DTX3: variants seen among roughly 807,000 people sequenced by gnomAD.
DTX3 encodes the protein E3 ubiquitin-protein ligase DTX3.
A neutral mutation model predicts 27.4 loss-of-function variants in DTX3; 10 were observed. The ratio of observed to expected loss-of-function variants is 0.36; its 90% CI spans 0.22 to 0.62. The LOEUF (loss-of-function observed/expected upper bound fraction) is 0.62, where lower values mean the gene tolerates loss of function less well. DTX3 is among the 20% of genes least tolerant of loss of function. DTX3 has a pLI of 0.68. For missense variants in DTX3, 319 were observed against 463.8 expected (o/e 0.69, Z 2.87); for synonymous variants, 171 against 190.7 (o/e 0.90, Z 0.85).
In DTX3 at chr12:57,607,943, T is replaced by C. The variant is rs1179832115; in HGVS notation, c.750+330T>C. Among the ~76,000 whole-genome samples, 1 of 152,136 alleles carries C rather than the reference T, an allele frequency of 6.6e-6. No individual in the cohort carries two copies. The highest frequency in any genetic ancestry group is 2.4e-5 in the African/African-American group (1 of 41,424). ...AGGTAAATTCTGTGGAGGTGGTGGC[T>C]TAGGGGAAGGGAGGCACAATAGGAA... On this transcript the variant is annotated intron_variant, in intron 5 of 6. Coordinates refer to ENST00000337737, the MANE Select transcript of DTX3 (RefSeq NM_178502.4). This position sits in a 1 kb window ranked among gnomAD's most constrained non-coding sequence, Gnocchi z 7.7.
chr12:57,606,572 T>C (rs1400300875), intron 4 of DTX3, 54 bp downstream of exon 4: 35 of 1,605,026 alleles, frequency 2.2e-5, no homozygotes, highest in African/African-American at 4.0e-5. Flanking sequence ...AGCCCATTTT[T>C]CCCCAAGAGG....
In DTX3 at chr12:57,608,432, A is replaced by C; in HGVS notation, c.751-88A>C. The C allele has an allele frequency of 1.6e-6, 2 of 1,239,126 alleles. No individual in the cohort carries two copies. Among genetic ancestry groups the C allele is most frequent in the Non-Finnish European group, 2.3e-6 (2 of 877,114 alleles). 76.8% of individuals were successfully genotyped at this position (1,239,126 alleles called of 1,614,324 possible). A position where few individuals can be genotyped will look rare whatever the true frequency, so the allele number is the denominator to read the frequency against. On this transcript the variant is annotated intron_variant, in intron 5 of 6. Coordinates refer to ENST00000337737, the MANE Select transcript of DTX3 (RefSeq NM_178502.4). This position sits in a 1 kb window ranked among gnomAD's most constrained non-coding sequence, Gnocchi z 6.1. ...TCGCATTAGCTGGGGGTGCTCAGAC[A>C]GAGACTAGCCTGGATGACCCTCCTC...
Position 57,608,901 on chromosome 12 carries a change from G to T in DTX3, c.968+164G>T. ...CCTACATTCAACCTGGTCCTGGTGT[G>T]CCCAGCTTAGCCTACAAAAATAAGC... On this transcript the variant is annotated intron_variant, in intron 6 of 6. Coordinates refer to ENST00000337737, the MANE Select transcript of DTX3 (RefSeq NM_178502.4). This position sits in a 1 kb window ranked among gnomAD's most constrained non-coding sequence, Gnocchi z 6.1. The T allele has an allele frequency of 9.5e-7, 1 of 1,055,376 alleles. No homozygotes were observed. The allele number at this position is 1,055,376 out of a possible 1,614,324, so 65.4% of individuals were successfully genotyped here. A position where few individuals can be genotyped will look rare whatever the true frequency, so the allele number is the denominator to read the frequency against.
chr12:57,608,588 T>C lies in DTX3; in HGVS notation c.819T>C (p.Pro273=). 2.5e-6 allele frequency: 4 copies of C among 1,614,148 alleles called. No homozygotes were observed. Among genetic ancestry groups the C allele is most frequent in the Non-Finnish European group, 3.4e-6 (4 of 1,179,998 alleles). The change falls in exon 6 of 7, where the codon CCT becomes CCC. Residue 273 remains proline (P), a synonymous_variant. Coordinates refer to ENST00000337737, the MANE Select transcript of DTX3 (RefSeq NM_178502.4). The surrounding 1 kb of genome is among the most constrained non-coding windows in gnomAD (Gnocchi z 6.1). ...GGGTGGCCTACCTCCCGGACTGCCC[T>C]GAGGGCAACAAGGTGCTGACCCTGT... ...TTRVAYLPDC[P]EGNKVLTLFR... is the part of the protein sequence containing the mutation.
chr12:57,608,816 C>A lies in DTX3; in HGVS notation c.968+79C>A. The stretch of plus-strand genomic sequence containing the variant: ...CACTGAGGGACCCACCAACCCCTCG[C>A]TCACGGAGCCTCCTAACTGGAGAGA... On this transcript the variant is annotated intron_variant, in intron 6 of 6. Transcript: ENST00000337737. The surrounding 1 kb of genome is among the most constrained non-coding windows in gnomAD (Gnocchi z 6.1). 16 of 1,498,408 alleles carry A rather than the reference C, an allele frequency of 1.1e-5. No individual in the cohort carries two copies. Among genetic ancestry groups the A allele is most frequent in the Non-Finnish European group, 1.5e-5 (16 of 1,092,918 alleles). 92.8% of individuals were successfully genotyped at this position (1,498,408 alleles called of 1,614,324 possible).
rs1883883942 is a variant in DTX3 at position 57,608,947 on chromosome 12, T to G, written c.969-130T>G. 2 of 1,079,110 alleles carry G rather than the reference T, an allele frequency of 1.9e-6. No homozygotes were observed. Among genetic ancestry groups the G allele is most frequent in the Non-Finnish European group, 2.8e-6 (2 of 716,560 alleles). The allele number at this position is 1,079,110 out of a possible 1,614,324, so 66.8% of individuals were successfully genotyped here. ...TAAGCAGAACTGGGCTAAATTATCTTGGATTTGGAGGTGTCCTCCCTTAGG... is the reference window on the plus strand; with the variant it reads ...TAAGCAGAACTGGGCTAAATTATCTGGGATTTGGAGGTGTCCTCCCTTAGG... On this transcript the variant is annotated intron_variant, in intron 6 of 6. Transcript: ENST00000337737. This position sits in a 1 kb window ranked among gnomAD's most constrained non-coding sequence, Gnocchi z 6.1.
In DTX3 at chr12:57,608,998, C is replaced by T; in HGVS notation, c.969-79C>T. On this transcript the variant is annotated intron_variant, in intron 6 of 6. Coordinates refer to ENST00000337737, the MANE Select transcript of DTX3 (RefSeq NM_178502.4). This position sits in a 1 kb window ranked among gnomAD's most constrained non-coding sequence, Gnocchi z 6.1. Reference sequence around the variant, plus strand: ...GGAGGTGGGGAGGTGTCTGAGCCACCTAGAATGAGGGTGAGCATGGGGATA... The same window carrying T: ...GGAGGTGGGGAGGTGTCTGAGCCACTTAGAATGAGGGTGAGCATGGGGATA... 3 of 1,384,500 alleles carry T rather than the reference C, an allele frequency of 2.2e-6. No individual in the cohort carries two copies. The highest frequency in any genetic ancestry group is 3.1e-6 in the Non-Finnish European group (3 of 980,838). 85.8% of individuals were successfully genotyped at this position (1,384,500 alleles called of 1,614,324 possible).
At position 57,607,540 on chromosome 12, in the gene DTX3, C is replaced by A. The variant is rs1426594283; in HGVS notation, c.677C>A (p.Thr226Asn). 2 of 1,614,116 alleles carry A rather than the reference C, an allele frequency of 1.2e-6. No homozygotes were observed. Among genetic ancestry groups the A allele is most frequent in the African/African-American group, 1.3e-5 (1 of 74,942 alleles). Reference protein sequence around the residue: ...NGRMLVSKDATLLLPSYEKYG... With the variant: ...NGRMLVSKDANLLLPSYEKYG... ...CGGATGCTGGTCTCTAAGGACGCCA[C>A]CCTCCTACTGCCCAGCTATGAGAAG... Residue 226 changes from threonine (T) to asparagine (N), a missense_variant, in exon 5 of 7, where the codon ACC (threonine) becomes AAC (asparagine). This residue lies in a region of DTX3 where 117 missense variants were observed against 258.5 expected (regional missense o/e 0.45). Coordinates refer to ENST00000337737, the MANE Select transcript of DTX3 (RefSeq NM_178502.4). This position sits in a 1 kb window ranked among gnomAD's most constrained non-coding sequence, Gnocchi z 7.7.
chr12:57,606,782 T>C (rs1793166299), intron 4 of DTX3, 83 bp from the exon 5 acceptor site: 1 of 1,507,118 alleles, frequency 6.6e-7, no homozygotes, highest in African/African-American at 1.4e-5. Context: ...TAATAGAGGG[T>C]TTGGAAGGAA....
rs765170766 is a variant in DTX3, at chr12:57,607,430, C to T, written c.567C>T (p.Ile189=). The change falls in exon 5 of 7, where the codon ATC becomes ATT. Residue 189 remains isoleucine (I), a synonymous_variant. Transcript: ENST00000337737. This position sits in a 1 kb window ranked among gnomAD's most constrained non-coding sequence, Gnocchi z 7.7. ...KCRHSFCEGC[I]TRALQVKKAC... is the part of the protein sequence containing the mutation. ...GGCATTCATTCTGCGAGGGCTGCAT[C>T]ACCCGGGCTCTGCAGGTGAAAAAGG... is the stretch of plus-strand genomic sequence containing the variant. The T allele has an allele frequency of 1.9e-5, 30 of 1,614,020 alleles. No individual in the cohort carries two copies. The African/African-American group carries it at 3.9e-4, about 21-fold the overall frequency.
At position 57,608,544 on chromosome 12, in the gene DTX3, C is replaced by T. The variant is rs754803511; in HGVS notation, c.775C>T (p.Arg259Trp). The T allele has an allele frequency of 8.1e-6, 13 of 1,606,168 alleles. No individual in the cohort carries two copies. The highest frequency in any genetic ancestry group is 8.5e-6 in the Non-Finnish European group (10 of 1,173,702). The change falls in exon 6 of 7, where the codon CGG becomes TGG. Residue 259 changes from arginine (R) to tryptophan (W), a missense_variant. This residue lies in a region of DTX3 where 117 missense variants were observed against 258.5 expected (regional missense o/e 0.45). Coordinates refer to ENST00000337737, the MANE Select transcript of DTX3 (RefSeq NM_178502.4). This position sits in a 1 kb window ranked among gnomAD's most constrained non-coding sequence, Gnocchi z 6.1. ...GGCTGAACACCCAAACCCAGGAGTT[C>T]GGTATCCTGGCACCACACGGGTGGC... ...QGAEHPNPGV[R>W]YPGTTRVAYL...
In DTX3 at chr12:57,606,489, C is replaced by T. The variant is rs757180119; in HGVS notation, c.-29C>T. Reference sequence around the variant, plus strand: ...GAGCAGGGAAAGAAGAGTGAGCCTGCATGCCAATTCTAAGCTCTTCAGGAT... The same window carrying T: ...GAGCAGGGAAAGAAGAGTGAGCCTGTATGCCAATTCTAAGCTCTTCAGGAT... On this transcript the variant is annotated 5_prime_UTR_variant, in exon 4 of 7. Transcript: ENST00000337737. 7 of 1,613,960 alleles carry T rather than the reference C, an allele frequency of 4.3e-6. No homozygotes were observed. Among genetic ancestry groups the T allele is most frequent in the Non-Finnish European group, 5.9e-6 (7 of 1,179,986 alleles).
chr12:57,606,130 T>C (rs1883707123), intron 2 of DTX3, 60 bp from the exon 3 acceptor site: 1 of 192,568 alleles, frequency 5.2e-6, no homozygotes, highest in Non-Finnish European at 1.1e-5. Context: ...TATTTCTGGG[T>C]TGGCTGAGGG....
In DTX3 at chr12:57,606,997, G is replaced by A. The variant is rs368232533; in HGVS notation, c.134G>A (p.Arg45His). The change falls in exon 5 of 7, where the codon CGT (arginine) becomes CAT (histidine). Residue 45 changes from arginine (R) to histidine (H), a missense_variant. Around this residue, in one of 2 missense-constraint regions of DTX3, gnomAD observed 202 missense variants for 205.3 expected, o/e 0.98. Transcript: ENST00000337737. ...CTGGCCCGGCTTCGGGAGGAGCACC[G>A]TGTGTCCATCCTCATAGATGGCGAG... ...ARLARLREEH[R>H]VSILIDGETS... 4.3e-6 allele frequency: 7 copies of A among 1,614,168 alleles called. No individual in the cohort carries two copies. The highest frequency in any genetic ancestry group is 2.2e-5 in the South Asian group (2 of 91,086).
chr12:57,606,338 C>G, intron 3 of DTX3, 86 bp downstream of exon 3: 1 of 801,846 alleles, frequency 1.2e-6, no homozygotes, highest in South Asian at 1.9e-5. Context: ...TTCTTAGTAA[C>G]CTATACCCAG....
Position 57,608,746 on chromosome 12 carries a change from C to T in DTX3, c.968+9C>T. 1.2e-6 allele frequency: 2 copies of T among 1,613,714 alleles called. No individual in the cohort carries two copies. The highest frequency in any genetic ancestry group is 1.7e-6 in the Non-Finnish European group (2 of 1,179,792). ...ACAGGGGGACCCCAGCTGTGCGACC[C>T]CTCTTCATTTCCTTTCCCTTGGCTC... is the stretch of plus-strand genomic sequence containing the variant. On this transcript the variant is annotated intron_variant, in intron 6 of 6. Coordinates refer to ENST00000337737, the MANE Select transcript of DTX3 (RefSeq NM_178502.4). This position sits in a 1 kb window ranked among gnomAD's most constrained non-coding sequence, Gnocchi z 6.1.
Position 57,606,469 on chromosome 12 carries a change from G to A in DTX3, c.-49G>A, listed in dbSNP as rs773722332. The A allele has an allele frequency of 1.9e-6, 3 of 1,613,558 alleles. No homozygotes were observed. In the African/African-American group the frequency reaches 4.0e-5, roughly 22 times the overall value. On this transcript the variant is annotated 5_prime_UTR_variant, in exon 4 of 7. Transcript: ENST00000337737. ...TCACACGACCTACAAGTAGGGAGCA[G>A]GGAAAGAAGAGTGAGCCTGCATGCC...
chr12:57,607,625 A>G lies in DTX3; in HGVS notation c.750+12A>G. 6.2e-7 allele frequency: 1 copy of G among 1,614,036 alleles called. No individual in the cohort carries two copies. The highest frequency in any genetic ancestry group is 8.5e-7 in the Non-Finnish European group (1 of 1,180,000). On this transcript the variant is annotated intron_variant, in intron 5 of 6. Coordinates refer to ENST00000337737, the MANE Select transcript of DTX3 (RefSeq NM_178502.4). This position sits in a 1 kb window ranked among gnomAD's most constrained non-coding sequence, Gnocchi z 7.7. ...CCGGTGTCCAGGGGGTAAGAAGACC[A>G]TGGCCTGCCCTTACCCTTTGGCTTT...
intron 4 of DTX3, 100 bp from the exon 5 acceptor site, chr12:57,606,765 A>T: frequency 1.4e-6 from 2 of 1,463,110 alleles, no homozygotes; most frequent in Non-Finnish European, 1.8e-6. Flanking sequence ...CTTTGAGAAA[A>T]CAGAGGTAAT....
Sources: allele counts gnomAD v4.1 joint callset (sites outside exome capture counted in the v4.1 genomes callset), GRCh38; gene constraint gnomAD v4.1.1; regional missense constraint gnomAD v4.1.1; non-coding constraint Gnocchi (gnomAD v3.1); transcripts MANE v1.5; gene names NCBI Gene and HGNC (gene_info 2026-07-23, HGNC 2026-07-21).